Variants in FSIP1 observed in about 807,000 individuals in gnomAD.
The protein encoded by FSIP1 is fibrous sheath-interacting protein 1.
Under a neutral mutation model 60.9 loss-of-function variants are expected in FSIP1, and 65 were observed. The ratio of observed to expected loss-of-function variants is 1.07; its 90% CI spans 0.87 to 1.31. The LOEUF (loss-of-function observed/expected upper bound fraction) is 1.31, where lower values mean the gene tolerates loss of function less well. FSIP1 is among the 40% of genes most tolerant of loss of function. FSIP1 has a pLI of 0.00. For missense variants in FSIP1, 675 were observed against 665.5 expected, an observed-to-expected ratio of 1.01 and a Z score of -0.16; for synonymous variants, 209 against 221.2, an observed-to-expected ratio of 0.94 and a Z score of 0.49.
At chr15:39,716,771 G>T (rs1895754295) in intron 9 of FSIP1, among the ~76,000 whole-genome samples, 1 of 149,782 alleles carries the variant, frequency 6.7e-6, no homozygotes, top group Non-Finnish European at 1.5e-5. Context: ...TTGTTTGCAG[G>T]ACTATACAAA....
intron 8 of FSIP1, among the ~76,000 whole-genome samples, chr15:39,733,429 C>T (rs1170721704): frequency 2.6e-5 from 4 of 152,026 alleles, no homozygotes; most frequent in East Asian, 3.9e-4. Context: ...AGAAGGAGCT[C>T]GTATGTACAA....
intron 10 of FSIP1, among the ~76,000 whole-genome samples, chr15:39,636,071 T>G (rs1388503393): frequency 6.6e-6 from 1 of 152,120 alleles, no homozygotes; most frequent in Non-Finnish European, 1.5e-5. Context: ...TCCAACAATA[T>G]TATCTCCCTA....
intron 1 of FSIP1, among the ~76,000 whole-genome samples, chr15:39,781,019 G>A (rs1898246502): frequency 1.3e-5 from 2 of 152,294 alleles, no homozygotes; most frequent in South Asian, 4.1e-4. Flanking sequence ...AAAACTTGTA[G>A]TCTTCAAAAG....
At chr15:39,647,074 G>C (rs2140429251) in intron 10 of FSIP1, among the ~76,000 whole-genome samples, 1 of 152,330 alleles carries the variant, frequency 6.6e-6, no homozygotes, top group South Asian at 2.1e-4. Flanking sequence ...AGGGGTGATA[G>C]AAGTAGTTGT....
intron 3 of FSIP1, among the ~76,000 whole-genome samples, chr15:39,769,862 G>A (rs1897822927): frequency 6.6e-6 from 1 of 152,092 alleles, no homozygotes. Flanking sequence ...ATGTCAGTAT[G>A]GTGGACACAA....
In FSIP1 at chr15:39,678,371, C is replaced by A. The variant is rs963883811; in HGVS notation, c.1188+35073G>T. 5.3e-5 allele frequency among the ~76,000 whole-genome samples: 8 copies of A among 151,978 alleles called. No individual in the cohort carries two copies. The East Asian group carries it at 1.3e-3, about 26-fold the overall frequency. ...TTAGTCTTATAATTCAGAAATGAGA[C>A]CTTCATAAGGAAAAGGAAAATACAC... is the stretch of plus-strand genomic sequence containing the variant. On this transcript the variant is annotated intron_variant, in intron 10 of 11. Coordinates refer to ENST00000350221, the MANE Select transcript of FSIP1 (RefSeq NM_152597.5).
chr15:39,722,041 C>T (rs771737193), intron 9 of FSIP1, among the ~76,000 whole-genome samples: 1 of 152,168 alleles, frequency 6.6e-6, no homozygotes, highest in South Asian at 2.1e-4. Flanking sequence ...AGGAGGTGAG[C>T]GGCAGGCCCA....
intron 10 of FSIP1, among the ~76,000 whole-genome samples, chr15:39,672,732 C>T (rs1004335431): frequency 1.3e-5 from 2 of 152,102 alleles, no homozygotes; most frequent in African/African-American, 4.8e-5. Context: ...TTCTGAAGAC[C>T]ACATAGCTGG....
At chr15:39,683,970 T>G (rs1469594291) in intron 10 of FSIP1, among the ~76,000 whole-genome samples, 1 of 152,244 alleles carries the variant, frequency 6.6e-6, no homozygotes, top group Non-Finnish European at 1.5e-5. Flanking sequence ...CATACCATGT[T>G]GATGAATTGG....
intron 2 of FSIP1, among the ~76,000 whole-genome samples, chr15:39,775,933 C>T (rs1898039662): frequency 6.6e-6 from 1 of 151,678 alleles, no homozygotes; most frequent in South Asian, 2.1e-4. Context: ...ATCACATGGC[C>T]TTTACCAAAC....
chr15:39,742,978 G>A (rs1045216590), intron 5 of FSIP1, among the ~76,000 whole-genome samples: 19 of 152,096 alleles, frequency 1.2e-4, no homozygotes, highest in Non-Finnish European at 7.4e-5. Context: ...TCAGTTTTTT[G>A]TTGCAACCAC....
chr15:39,684,212 G>A (rs1361191287), intron 10 of FSIP1, among the ~76,000 whole-genome samples: 1 of 152,176 alleles, frequency 6.6e-6, no homozygotes. Flanking sequence ...CAGCAATAAA[G>A]ACAGTGTGGT....
intron 10 of FSIP1, among the ~76,000 whole-genome samples, chr15:39,644,166 C>T (rs1892489738): frequency 6.6e-6 from 1 of 152,160 alleles, no homozygotes; most frequent in Non-Finnish European, 1.5e-5. Context: ...CGCCTATAGG[C>T]TCGATCCTTC....
At chr15:39,762,978 G>T (rs940141785) in intron 5 of FSIP1, among the ~76,000 whole-genome samples, 1 of 152,126 alleles carries the variant, frequency 6.6e-6, no homozygotes, top group African/African-American at 2.4e-5. Context: ...TATATAATTT[G>T]ATCATATTTT....
chr15:39,669,002 T>C (rs1032778161), intron 10 of FSIP1, among the ~76,000 whole-genome samples: 5 of 152,162 alleles, frequency 3.3e-5, no homozygotes, highest in Non-Finnish European at 5.9e-5. Flanking sequence ...GAATTATGAG[T>C]ATTATTGTTA....
At chr15:39,741,364 T>C (rs1261554101) in intron 6 of FSIP1, among the ~76,000 whole-genome samples, 1 of 152,228 alleles carries the variant, frequency 6.6e-6, no homozygotes, top group Non-Finnish European at 1.5e-5. Flanking sequence ...CAAACCTTGC[T>C]GGGTTGGACA....
At chr15:39,640,188 G>T (rs1023106354) in intron 10 of FSIP1, among the ~76,000 whole-genome samples, 1 of 152,204 alleles carries the variant, frequency 6.6e-6, no homozygotes, top group African/African-American at 2.4e-5. Flanking sequence ...AAAGAGGAGA[G>T]ATGAAAGCAT....
chr15:39,747,760 C>A (rs1897045878), intron 5 of FSIP1, among the ~76,000 whole-genome samples: 1 of 152,090 alleles, frequency 6.6e-6, no homozygotes, highest in African/African-American at 2.4e-5. Flanking sequence ...TGTAAGATTT[C>A]TTAGGGCCTT....
At chr15:39,695,617 T>C (rs1894783471) in intron 10 of FSIP1, among the ~76,000 whole-genome samples, 1 of 152,212 alleles carries the variant, frequency 6.6e-6, no homozygotes, top group East Asian at 1.9e-4. Flanking sequence ...TCCCACACTA[T>C]GCAAATTCCT....
Sources: allele counts gnomAD v4.1 joint callset (sites outside exome capture counted in the v4.1 genomes callset), GRCh38; gene constraint gnomAD v4.1.1; transcripts MANE v1.5; gene names NCBI Gene and HGNC (gene_info 2026-07-23, HGNC 2026-07-21).